Variants in INPP5A observed in about 807,000 individuals in gnomAD.
INPP5A encodes the protein inositol polyphosphate-5-phosphatase A.
INPP5A carries 14 observed loss-of-function variants against 65.2 expected under a neutral mutation model. The observed-to-expected ratio is 0.21, with a 90% CI of 0.14 to 0.34. INPP5A has a LOEUF of 0.34. Among genes scored for constraint, INPP5A ranks in the 10% least tolerant of loss-of-function variants. INPP5A has a pLI of 1.00. For synonymous variants in INPP5A, 207 were observed against 208.3 expected, an observed-to-expected ratio of 0.99 and a Z score of 0.05; for missense variants, 431 against 545.6, an observed-to-expected ratio of 0.79 and a Z score of 2.09.
intron 8 of INPP5A, among the ~76,000 whole-genome samples, chr10:132,720,158 G>C (rs965095939): frequency 6.7e-6 from 1 of 150,282 alleles, no homozygotes; most frequent in Non-Finnish European, 1.5e-5. Context: ...AGGGTTCTGT[G>C]GTACCTGGGT....
chr10:132,720,717 T>A, intron 8 of INPP5A, among the ~76,000 whole-genome samples: 1 of 145,414 alleles, frequency 6.9e-6, no homozygotes, highest in South Asian at 2.3e-4. Flanking sequence ...GTCTTCAGGG[T>A]TCTGTGGTGC....
intron 6 of INPP5A, among the ~76,000 whole-genome samples, chr10:132,708,043 C>T (rs1040135527): frequency 6.6e-6 from 1 of 152,194 alleles, no homozygotes; most frequent in Admixed American, 6.5e-5. Context: ...GCATGGGGCT[C>T]ACAGGCGGCA....
intron 4 of INPP5A, among the ~76,000 whole-genome samples, chr10:132,664,724 G>A (rs1279033457): frequency 6.6e-6 from 1 of 152,198 alleles, no homozygotes; most frequent in Admixed American, 6.5e-5. Flanking sequence ...AGTGCACCTT[G>A]CCATTTGGCT....
Position 132,545,700 on chromosome 10 carries a change from G to A in INPP5A, c.75+7529G>A, listed in dbSNP as rs1234385441. 2.0e-5 allele frequency among the ~76,000 whole-genome samples: 3 copies of A among 152,186 alleles called. No individual in the cohort carries two copies. The highest frequency in any genetic ancestry group is 1.9e-4 in the East Asian group (1 of 5,192). On this transcript the variant is annotated intron_variant, in intron 1 of 15. Transcript: ENST00000368594. The surrounding 1 kb of genome is among the most constrained non-coding windows in gnomAD (Gnocchi z 4.6). The stretch of plus-strand genomic sequence containing the variant: ...CGGTTTCATTAATTGGGATACTTGG[G>A]AATCTCAGAGCCCGGTGGGAACCAG...
intron 11 of INPP5A, among the ~76,000 whole-genome samples, chr10:132,752,866 A>G (rs1423938921): frequency 6.6e-6 from 1 of 152,088 alleles, no homozygotes; most frequent in Admixed American, 6.5e-5. Flanking sequence ...CTTTAGAGGA[A>G]AATTAATCTG....
chr10:132,631,241 C>T (rs903602587), intron 2 of INPP5A, among the ~76,000 whole-genome samples: 3 of 152,186 alleles, frequency 2.0e-5, no homozygotes, highest in Non-Finnish European at 4.4e-5. Context: ...GTGCCCTGGC[C>T]GGTCCCATCG....
intron 9 of INPP5A, among the ~76,000 whole-genome samples, chr10:132,736,513 C>T (rs898640722): frequency 4.6e-5 from 7 of 152,230 alleles, no homozygotes; most frequent in Non-Finnish European, 7.3e-5. Flanking sequence ...GAGGGGCTGA[C>T]GTCGCAAGGA....
chr10:132,699,370 G>GT (rs796996487), intron 6 of INPP5A, among the ~76,000 whole-genome samples: 2 of 149,010 alleles, frequency 1.3e-5, no homozygotes, highest in South Asian at 4.4e-4. Flanking sequence ...GGTGGGGGGG[G>GT]GCTGGGCTGG....
intron 11 of INPP5A, among the ~76,000 whole-genome samples, chr10:132,761,307 G>A (rs934742371): frequency 1.3e-5 from 2 of 152,222 alleles, no homozygotes; most frequent in Admixed American, 6.5e-5. Context: ...GAGACCACAC[G>A]CTGGGAACAG....
In INPP5A at chr10:132,545,518, C is replaced by T. The variant is rs1371363840; in HGVS notation, c.75+7347C>T. On this transcript the variant is annotated intron_variant, in intron 1 of 15. Coordinates refer to ENST00000368594, the MANE Select transcript of INPP5A (RefSeq NM_005539.5). This position sits in a 1 kb window ranked among gnomAD's most constrained non-coding sequence, Gnocchi z 4.6. ...ACATGCCACTCTGTGCCCCACTGCC[C>T]CTGCCGGGGTGTTCCCGCTGTCTCC... is the stretch of plus-strand genomic sequence containing the variant. Among the ~76,000 whole-genome samples, 3 of 152,190 alleles carry T rather than the reference C, an allele frequency of 2.0e-5. No individual in the cohort carries two copies. Among genetic ancestry groups the T allele is most frequent in the Non-Finnish European group, 4.4e-5 (3 of 68,028 alleles).
chr10:132,600,711 A>G (rs762968930), intron 1 of INPP5A, among the ~76,000 whole-genome samples: 1 of 152,236 alleles, frequency 6.6e-6, no homozygotes, highest in Non-Finnish European at 1.5e-5. Context: ...AATTGGACTT[A>G]CAGTTCCACA....
chr10:132,683,028 C>T (rs566877795), intron 4 of INPP5A, among the ~76,000 whole-genome samples: 42 of 145,216 alleles, frequency 2.9e-4, no homozygotes, highest in Admixed American at 2.4e-3. Flanking sequence ...GGGCACGTCT[C>T]CTGTGACCCA....
chr10:132,554,182 G>A (rs1284439359), intron 1 of INPP5A, among the ~76,000 whole-genome samples: 2 of 152,180 alleles, frequency 1.3e-5, no homozygotes, highest in African/African-American at 4.8e-5. Flanking sequence ...GGAAGTATTT[G>A]GAATATCTGT....
chr10:132,638,420 TGTG>T (rs2072384570), intron 2 of INPP5A, among the ~76,000 whole-genome samples: 1 of 152,226 alleles, frequency 6.6e-6, no homozygotes, highest in Non-Finnish European at 1.5e-5. Context: ...TTCCCTCTCT[TGTG>T]GTGTTTCTTG....
At chr10:132,655,650 C>A (rs2072646242) in intron 4 of INPP5A, among the ~76,000 whole-genome samples, 1 of 152,226 alleles carries the variant, frequency 6.6e-6, no homozygotes, top group South Asian at 2.1e-4. Flanking sequence ...TCTGGTTTCA[C>A]CACAGAAGTG....
intron 2 of INPP5A, among the ~76,000 whole-genome samples, chr10:132,639,481 G>T (rs1398792904): frequency 2.0e-5 from 3 of 151,994 alleles, no homozygotes; most frequent in African/African-American, 7.2e-5. Context: ...ATACATCTTT[G>T]TTTTTCCTCA....
intron 1 of INPP5A, among the ~76,000 whole-genome samples, chr10:132,574,398 C>T (rs1209880750): frequency 2.6e-5 from 3 of 117,120 alleles, no homozygotes; most frequent in East Asian, 5.5e-4. Context: ...GGGTGTGTGT[C>T]CTGTGTGAGG....
rs935580888 is a variant in INPP5A, at chr10:132,545,381, G to A, written c.75+7210G>A. Among the ~76,000 whole-genome samples, 1 of 152,192 alleles carries A rather than the reference G, an allele frequency of 6.6e-6. No homozygotes were observed. The highest frequency in any genetic ancestry group is 2.4e-5 in the African/African-American group (1 of 41,438). ...CGGGGCGGCTGAGGGGGCTGCCTACGGCAGGAGACGGCAGGTCTCTCTGAG... is the reference window on the plus strand; with the variant it reads ...CGGGGCGGCTGAGGGGGCTGCCTACAGCAGGAGACGGCAGGTCTCTCTGAG... On this transcript the variant is annotated intron_variant, in intron 1 of 15. Transcript: ENST00000368594. The surrounding 1 kb of genome is among the most constrained non-coding windows in gnomAD (Gnocchi z 4.6).
chr10:132,635,386 A>AATTTTTTTTTTTT (rs2072331987), intron 2 of INPP5A, among the ~76,000 whole-genome samples: 5 of 54,500 alleles, frequency 9.2e-5, no homozygotes, highest in African/African-American at 4.0e-4. Flanking sequence ...CTTTTTAAAG[A>AATTTTTTTTTTTT]TTTTTTTTTT....
Sources: gnomAD v4.1 joint callset for allele counts (sites outside exome capture counted in the v4.1 genomes callset) on GRCh38, gnomAD v4.1.1 for gene constraint, Gnocchi (gnomAD v3.1) non-coding constraint, MANE v1.5 for transcripts, NCBI Gene and HGNC (gene_info 2026-07-23, HGNC 2026-07-21) for gene names.